RELN: variants seen among roughly 807,000 people sequenced by gnomAD.
The protein encoded by RELN is reelin.
In RELN, 108 loss-of-function variants were observed where a neutral mutation model predicts 427.6. That is an observed-to-expected ratio of 0.25 (90% CI 0.22 to 0.30). The LOEUF is 0.30. RELN is among the 10% of genes least tolerant of loss of function. The probability of loss-of-function intolerance (pLI) is 1.00; values close to 1 mark genes in which losing one functional copy is unlikely to be tolerated. For synonymous variants in RELN, 1,524 were observed against 1,513.4 expected, an observed-to-expected ratio of 1.01 and a Z score of -0.16; for missense variants, 3,715 against 4,302.8, an observed-to-expected ratio of 0.86 and a Z score of 3.82.
intron 1 of RELN, among the ~76,000 whole-genome samples, chr7:103,920,730 T>C (rs571618785): frequency 5.3e-5 from 8 of 152,040 alleles, no homozygotes; most frequent in Non-Finnish European, 1.0e-4. Context: ...TGTGCCACCA[T>C]GTGTGGCTAA....
At chr7:103,874,473 A>C (rs1430272994) in intron 2 of RELN, among the ~76,000 whole-genome samples, 2 of 145,166 alleles carry the variant, frequency 1.4e-5, no homozygotes, top group Non-Finnish European at 3.1e-5. Context: ...GTCTCAGCCC[A>C]AAATCTCCTT....
chr7:103,745,755 G>C (rs528484085), intron 6 of RELN, among the ~76,000 whole-genome samples: 2,719 of 150,518 alleles, frequency 0.018, 85 homozygotes, highest in African/African-American at 0.065. Flanking sequence ...CACTGCTCAA[G>C]GAAATAAAAG....
intron 2 of RELN, among the ~76,000 whole-genome samples, chr7:103,910,801 T>C (rs1215618402): frequency 8.5e-6 from 1 of 118,286 alleles, no homozygotes. Context: ...GCTAGCCATA[T>C]GTAGAAAGCT....
At chr7:103,479,487 T>C (rs544073749) in intron 63 of RELN, among the ~76,000 whole-genome samples, 1 of 152,328 alleles carries the variant, frequency 6.6e-6, no homozygotes, top group Admixed American at 6.5e-5. Context: ...TAATCTGTTA[T>C]ACGGCAGATT....
chr7:103,911,392 T>C (rs1356214260), intron 2 of RELN, among the ~76,000 whole-genome samples: 2 of 144,484 alleles, frequency 1.4e-5, no homozygotes, highest in African/African-American at 5.2e-5. Context: ...AGGAACACTT[T>C]TACACTGTTG....
intron 1 of RELN, among the ~76,000 whole-genome samples, chr7:103,945,250 C>T (rs1022950804): frequency 2.8e-4 from 42 of 152,228 alleles, no homozygotes; most frequent in African/African-American, 9.9e-4. Context: ...ATTCACCTAA[C>T]CCAACCCCTG....
intron 2 of RELN, among the ~76,000 whole-genome samples, chr7:103,845,663 T>A (rs1390749013): frequency 3.3e-5 from 5 of 152,198 alleles, no homozygotes; most frequent in Non-Finnish European, 7.3e-5. Context: ...TGATGTAATA[T>A]CATTAAAGTC....
At chr7:103,841,774 T>G (rs919332173) in intron 2 of RELN, among the ~76,000 whole-genome samples, 4 of 152,118 alleles carry the variant, frequency 2.6e-5, no homozygotes, top group Non-Finnish European at 5.9e-5. Context: ...AATGAATATT[T>G]TATTACCAAA....
rs1030764496 is a variant in RELN at position 103,669,366 on chromosome 7, G to A, written c.1290-7839C>T. On this transcript the variant is annotated intron_variant, in intron 11 of 64. Transcript: ENST00000428762. ...TTTGCATTTATTAAAAATTCAGGAG[G>A]AGCCTGTTATAGCACAAGCTCATTC... Among the ~76,000 whole-genome samples the A allele has an allele frequency of 1.4e-4, 22 of 152,130 alleles. 1 individual carries two copies. Among genetic ancestry groups the A allele is most frequent in the Admixed American group, 5.9e-4 (9 of 15,258 alleles).
intron 37 of RELN, among the ~76,000 whole-genome samples, chr7:103,557,532 A>G (rs1830552154): frequency 6.6e-6 from 1 of 152,244 alleles, no homozygotes; most frequent in Admixed American, 6.5e-5. Context: ...TATGTATTAT[A>G]TCTACAATCA....
chr7:103,492,928 T>C (rs1053169556), intron 57 of RELN, among the ~76,000 whole-genome samples: 3 of 152,198 alleles, frequency 2.0e-5, no homozygotes, highest in African/African-American at 7.2e-5. Context: ...GAGCACAGTA[T>C]ATAGCATGTT....
In RELN at chr7:103,545,132, T is replaced by C; in HGVS notation, c.6515A>G (p.Asp2172Gly). 1.2e-6 allele frequency: 2 copies of C among 1,613,180 alleles called. No homozygotes were observed. The highest frequency in any genetic ancestry group is 1.7e-6 in the Non-Finnish European group (2 of 1,179,688). Residue 2172 changes from aspartate to glycine, a missense_variant, in exon 42 of 65, where the codon GAT becomes GGT. Physicochemically the swap from Asp to Gly is moderately conservative, Grantham distance 94 (BLOSUM62 -1). Coordinates refer to ENST00000428762, the MANE Select transcript of RELN (RefSeq NM_005045.4). The stretch of plus-strand genomic sequence containing the variant: ...TTGTAAGAAAAGACTACCTTCGAAA[T>C]CATCTTTGAGAAAATCAGGATTTTT... The part of the protein sequence containing the change: ...STKNPDFLKD[D>G]FEGQLESDRF...
At position 103,813,104 on chromosome 7, in the gene RELN, T is replaced by A. The variant is rs116451345; in HGVS notation, c.473+20433A>T. Among the ~76,000 whole-genome samples the A allele has an allele frequency of 1.6e-3, 249 of 152,310 alleles. 2 individuals carry two copies. Among genetic ancestry groups the A allele is most frequent in the African/African-American group, 5.7e-3 (239 of 41,570 alleles). On this transcript the variant is annotated intron_variant, in intron 3 of 64. Transcript: ENST00000428762. ...TTTTCCCTCTGTTTTAGGTCAATGA[T>A]GAGGATGTTAATGTAGATACTACGT...
chr7:103,485,070 G>A (rs1234657547), intron 61 of RELN, among the ~76,000 whole-genome samples: 2 of 152,048 alleles, frequency 1.3e-5, no homozygotes, highest in African/African-American at 4.8e-5. Context: ...TTTAAAGTAG[G>A]TGGTGGAATA....
intron 31 of RELN, among the ~76,000 whole-genome samples, chr7:103,571,519 G>A (rs1313067902): frequency 6.6e-6 from 1 of 152,202 alleles, no homozygotes; most frequent in African/African-American, 2.4e-5. Flanking sequence ...GCCAGTGTGA[G>A]TGGTTTGAAT....
Position 103,594,361 on chromosome 7 carries a change from T to C in RELN, c.3671A>G (p.Gln1224Arg). The change falls in exon 26 of 65, where the codon CAG (glutamine) becomes CGG (arginine). Residue 1224 changes from glutamine to arginine, a missense_variant. Gln to Arg is a conservative substitution (Grantham distance 43, BLOSUM62 1). Transcript: ENST00000428762. ...ATTGATAACTGGGATGATCTGCTTC[T>C]GCTTCTCGGACAGAATGATGATGTC... is the stretch of plus-strand genomic sequence containing the variant. ...VDDIIILSEKQKQIIPVINPT... is the reference protein window; with the variant it reads ...VDDIIILSEKRKQIIPVINPT... 1 of 1,614,070 alleles carries C rather than the reference T, an allele frequency of 6.2e-7. No homozygotes were observed. The highest frequency in any genetic ancestry group is 8.5e-7 in the Non-Finnish European group (1 of 1,179,934).
intron 3 of RELN, among the ~76,000 whole-genome samples, chr7:103,818,393 T>G (rs2116363560): frequency 6.6e-6 from 1 of 152,312 alleles, no homozygotes; most frequent in South Asian, 2.1e-4. Flanking sequence ...GACTGAGTAA[T>G]CAGAATAGTG....
At chr7:103,596,352 T>G in intron 25 of RELN, 104 bp downstream of exon 25, 2 of 958,276 alleles carry the variant, frequency 2.1e-6, no homozygotes, top group Admixed American at 1.8e-5. Flanking sequence ...TTTTTATAGG[T>G]TTGTCTATTT....
chr7:103,705,832 G>A (rs1168344405), intron 8 of RELN, among the ~76,000 whole-genome samples: 1 of 152,136 alleles, frequency 6.6e-6, no homozygotes, highest in Non-Finnish European at 1.5e-5. Context: ...GACAGCAACT[G>A]CTTCACAGAA....
Sources: allele counts gnomAD v4.1 joint callset (sites outside exome capture counted in the v4.1 genomes callset), GRCh38; gene constraint gnomAD v4.1.1; transcripts MANE v1.5; gene names NCBI Gene and HGNC (gene_info 2026-07-23, HGNC 2026-07-21).